FAT1: variants seen among roughly 807,000 people sequenced by gnomAD.
FAT1 encodes the protein FAT atypical cadherin 1.
In FAT1, 171 loss-of-function variants were observed where a neutral mutation model predicts 329.8. The observed-to-expected ratio is 0.52, with a 90% CI of 0.46 to 0.59. FAT1 has a LOEUF of 0.59. Among genes scored for constraint, FAT1 ranks in the 20% least tolerant of loss-of-function variants. The pLI, the probability that FAT1 is intolerant of heterozygous loss-of-function variation, is 0.00. For missense variants in FAT1, 5,672 were observed against 5,774.4 expected (o/e 0.98, Z 0.57); for synonymous variants, 2,233 against 2,228.6 (o/e 1.00, Z -0.06).
chr4:186,606,133 A>G lies in FAT1; in HGVS notation c.10287T>C (p.Asp3429=), dbSNP rs1375490507. The part of the protein sequence containing the change: ...PRVNTTTVNI[D]VSDVNDNAPV... ...GCGCGTTGTCATTGACATCGGACAC[A>G]TCGATGTTCACGGTCGTCGTGTTGA... Residue 3429 remains aspartate, a synonymous_variant, in exon 17 of 27, where the codon GAT becomes GAC. Coordinates refer to ENST00000441802, the MANE Select transcript of FAT1 (RefSeq NM_005245.4). 2 of 1,612,910 alleles carry G rather than the reference A, an allele frequency of 1.2e-6. No homozygotes were observed. The highest frequency in any genetic ancestry group is 1.1e-5 in the South Asian group (1 of 90,912).
chr4:186,604,793 A>AC (rs1222920696), intron 17 of FAT1, among the ~76,000 whole-genome samples: 1 of 137,208 alleles, frequency 7.3e-6, no homozygotes, highest in Non-Finnish European at 1.6e-5. Flanking sequence ...AGGAGGATGA[A>AC]GGAAACATGG....
chr4:186,631,134 A>G (rs1740564008), intron 7 of FAT1, among the ~76,000 whole-genome samples: 1 of 152,104 alleles, frequency 6.6e-6, no homozygotes, highest in Non-Finnish European at 1.5e-5. Context: ...GCTGCCCCTG[A>G]CCTGGATACA....
chr4:186,680,165 T>C (rs946894946), intron 2 of FAT1, among the ~76,000 whole-genome samples: 1 of 152,194 alleles, frequency 6.6e-6, no homozygotes, highest in Non-Finnish European at 1.5e-5. Context: ...GATAAGCCTA[T>C]TTTGAAATAA....
At chr4:186,701,580 G>C (rs529074538) in intron 2 of FAT1, among the ~76,000 whole-genome samples, 1 of 152,232 alleles carries the variant, frequency 6.6e-6, no homozygotes, top group East Asian at 1.9e-4. Context: ...AGCTCCCACA[G>C]GGCATCAGGT....
At chr4:186,725,160 G>A (rs1025800829), upstream of FAT1, among the ~76,000 whole-genome samples, 16 of 152,128 alleles carry the variant, frequency 1.1e-4, no homozygotes, top group African/African-American at 3.1e-4. The surrounding 1 kb of genome is among the most constrained non-coding windows in gnomAD (Gnocchi z 5.4). Context: ...GTTTGTCCCG[G>A]CCATAATTGC....
intron 2 of FAT1, among the ~76,000 whole-genome samples, chr4:186,706,157 T>C (rs1320404755): frequency 6.6e-6 from 1 of 152,198 alleles, no homozygotes; most frequent in Non-Finnish European, 1.5e-5. Flanking sequence ...GCACGCCAGA[T>C]GGTAGCAGTA....
chr4:186,588,624 G>A lies in FAT1; in HGVS notation c.13735C>T (p.Pro4579Ser). The A allele has an allele frequency of 6.2e-7, 1 of 1,613,248 alleles. No individual in the cohort carries two copies. The highest frequency in any genetic ancestry group is 8.5e-7 in the Non-Finnish European group (1 of 1,179,560). The stretch of plus-strand genomic sequence containing the variant: ...TCCGTGTGCTGCTGGGAATCCAGGG[G>A]CGGGATCGTCACCTCTTCGAAGTGG... ...DGHFEEVTIP[P>S]LDSQQHTEV The change falls in exon 27 of 27, where the codon CCC becomes TCC. Residue 4579 changes from proline (P) to serine (S), a missense_variant. Transcript: ENST00000441802.
At chr4:186,723,006 A>T (rs1336033984) in intron 1 of FAT1, among the ~76,000 whole-genome samples, 1 of 152,242 alleles carries the variant, frequency 6.6e-6, no homozygotes, top group African/African-American at 2.4e-5. Context: ...GAACAAAAAA[A>T]TCTAACACAC....
intron 2 of FAT1, among the ~76,000 whole-genome samples, chr4:186,676,676 G>A (rs1170069856): frequency 1.3e-5 from 2 of 152,150 alleles, no homozygotes; most frequent in African/African-American, 4.8e-5. Context: ...GCTAAAGAAG[G>A]AATGGAATGA....
At chr4:186,645,846 T>G in intron 3 of FAT1, among the ~76,000 whole-genome samples, 1 of 149,302 alleles carries the variant, frequency 6.7e-6, no homozygotes, top group East Asian at 2.0e-4. Context: ...CTTGGGAGGC[T>G]AAGGCATGAG....
At position 186,633,640 on chromosome 4, in the gene FAT1, T is replaced by A; in HGVS notation, c.4323+44A>T. The A allele has an allele frequency of 3.1e-6, 5 of 1,611,568 alleles. No homozygotes were observed. The South Asian group carries it at 5.5e-5, about 18-fold the overall frequency. On this transcript the variant is annotated intron_variant, in intron 7 of 26. Coordinates refer to ENST00000441802, the MANE Select transcript of FAT1 (RefSeq NM_005245.4). Reference sequence around the variant, plus strand: ...CGTGGACCCCTAAGTCAGAACGTTATCTCCATCCTCCTCTGACAAGTGTGT... The same window carrying A: ...CGTGGACCCCTAAGTCAGAACGTTAACTCCATCCTCCTCTGACAAGTGTGT...
At position 186,629,013 on chromosome 4, in the gene FAT1, A is replaced by G. The variant is rs1247054242; in HGVS notation, c.4324-250T>C. The stretch of plus-strand genomic sequence containing the variant: ...TAACTAACTCTGGGACAAAATATGT[A>G]TTGATTTTCACACTTGCCACGTCTT... On this transcript the variant is annotated intron_variant, in intron 7 of 26. Transcript: ENST00000441802. Among the ~76,000 whole-genome samples, 4 of 152,356 alleles carry G rather than the reference A, an allele frequency of 2.6e-5. No individual in the cohort carries two copies. In the East Asian group the frequency reaches 7.7e-4, roughly 29 times the overall value.
At chr4:186,629,415 C>A (rs539957248) in intron 7 of FAT1, among the ~76,000 whole-genome samples, 1 of 151,846 alleles carries the variant, frequency 6.6e-6, no homozygotes. Flanking sequence ...AAGTAAAAAC[C>A]TTTAGAGGAA....
Position 186,636,734 on chromosome 4 carries a change from T to C in FAT1, c.3823A>G (p.Ile1275Val), listed in dbSNP as rs1487961223. 3 of 1,613,808 alleles carry C rather than the reference T, an allele frequency of 1.9e-6. No homozygotes were observed. Among genetic ancestry groups the C allele is most frequent in the Non-Finnish European group, 1.7e-6 (2 of 1,179,888 alleles). ...GGGCCCTCATCCTTGTCGGTGGCTATGACGTGATAGAGCGGCTCCCGTCTG... is the reference window on the plus strand; with the variant it reads ...GGGCCCTCATCCTTGTCGGTGGCTACGACGTGATAGAGCGGCTCCCGTCTG... Reference protein sequence around the residue: ...NARREPLYHVIATDKDEGPNA... With the variant: ...NARREPLYHVVATDKDEGPNA... The change falls in exon 5 of 27, where the codon ATA (isoleucine) becomes GTA (valine). Residue 1275 changes from isoleucine (I) to valine (V), a missense_variant. Transcript: ENST00000441802.
In FAT1 at chr4:186,709,388, G is replaced by A. The variant is rs1744834589; in HGVS notation, c.440C>T (p.Pro147Leu). The change falls in exon 2 of 27, where the codon CCG (proline) becomes CTG (leucine). Residue 147 changes from proline to leucine, a missense_variant. Transcript: ENST00000441802. The part of the protein sequence containing the change: ...VQVLDTNDLR[P>L]LFSPTSYSVS... ...GCTGTATGAGGTGGGTGAGAATAAC[G>A]GTCTCAAGTCATTTGTATCCAGCAC... 1.9e-6 allele frequency: 3 copies of A among 1,613,740 alleles called. No homozygotes were observed. Among genetic ancestry groups the A allele is most frequent in the African/African-American group, 1.3e-5 (1 of 74,870 alleles).
intron 2 of FAT1, among the ~76,000 whole-genome samples, chr4:186,670,558 C>T (rs965503337): frequency 3.3e-5 from 5 of 152,242 alleles, no homozygotes; most frequent in East Asian, 1.9e-4. Context: ...AATCTATAAA[C>T]GGTTATTCAA....
intron 1 of FAT1, among the ~76,000 whole-genome samples, chr4:186,721,396 G>A (rs533050532): frequency 1.3e-5 from 2 of 152,328 alleles, no homozygotes; most frequent in South Asian, 4.1e-4. Flanking sequence ...CTTCTCCAGT[G>A]TCTAAGGATA....
At chr4:186,710,637 A>T (rs1256867265) in intron 1 of FAT1, among the ~76,000 whole-genome samples, 1 of 152,202 alleles carries the variant, frequency 6.6e-6, no homozygotes, top group East Asian at 1.9e-4. Context: ...TTTACCAACT[A>T]TATCAATGTT....
intron 21 of FAT1, among the ~76,000 whole-genome samples, chr4:186,601,028 G>A (rs1202254983): frequency 6.6e-6 from 1 of 152,074 alleles, no homozygotes; most frequent in Non-Finnish European, 1.5e-5. Flanking sequence ...ATTAAAATGG[G>A]GCATCACCTA....
Sources: gnomAD v4.1 joint callset for allele counts (sites outside exome capture counted in the v4.1 genomes callset) on GRCh38, gnomAD v4.1.1 for gene constraint, Gnocchi (gnomAD v3.1) non-coding constraint, MANE v1.5 for transcripts, NCBI Gene and HGNC (gene_info 2026-07-23, HGNC 2026-07-21) for gene names.